The following TMEM222 variants were observed in gnomAD, a reference collection of about 807,000 sequenced individuals.
TMEM222 encodes transmembrane protein 222, also known as chromosome 1 open reading frame 160.
A neutral mutation model predicts 25.1 loss-of-function variants in TMEM222; 18 were observed. The ratio of observed to expected loss-of-function variants is 0.72; its 90% CI spans 0.50 to 1.06. The LOEUF is 1.06. TMEM222 is among the 50% of genes least tolerant of loss of function. The pLI, the probability that TMEM222 is intolerant of heterozygous loss-of-function variation, is 0.00. For synonymous variants in TMEM222, 131 were observed against 117.9 expected (o/e 1.11, Z -0.72); for missense variants, 296 against 293.7 (o/e 1.01, Z -0.06).
chr1:27,322,992 G>C (rs1017964097), intron 1 of TMEM222, among the ~76,000 whole-genome samples: 100 of 152,254 alleles, frequency 6.6e-4, no homozygotes, highest in African/African-American at 2.2e-3. Context: ...CAGGTGCTCT[G>C]GTACTACTTG....
chr1:27,334,686 G>T, intron 5 of TMEM222: 3 of 1,388,684 alleles, frequency 2.2e-6, no homozygotes, highest in Non-Finnish European at 2.9e-6. Flanking sequence ...TAGGCAGAGA[G>T]ATTGAGTGAG....
chr1:27,328,997 T>C (rs2014417521), intron 1 of TMEM222, among the ~76,000 whole-genome samples: 1 of 152,198 alleles, frequency 6.6e-6, no homozygotes, highest in Non-Finnish European at 1.5e-5. Flanking sequence ...CAGACAGGTC[T>C]GGGGTTCCTA....
intron 1 of TMEM222, among the ~76,000 whole-genome samples, chr1:27,323,235 C>A (rs2014250788): frequency 6.6e-6 from 1 of 152,192 alleles, no homozygotes; most frequent in Admixed American, 6.5e-5. Context: ...CCCCAATAAG[C>A]AAAGGCATGA....
At chr1:27,329,045 G>GT (rs987210702) in intron 1 of TMEM222, among the ~76,000 whole-genome samples, 1 of 152,076 alleles carries the variant, frequency 6.6e-6, no homozygotes, top group African/African-American at 2.4e-5. Context: ...ATTTATTGTT[G>GT]TTTTTTAATG....
At chr1:27,333,664 C>T (rs2014535608) in intron 3 of TMEM222, 2 of 447,258 alleles carry the variant, frequency 4.5e-6, no homozygotes, top group Non-Finnish European at 8.4e-6. Context: ...AAGGCCCCAC[C>T]TCCTCATACC....
In TMEM222 at chr1:27,335,529, TC is replaced by T; in HGVS notation, c.*65del. 1 of 1,563,332 alleles carries T rather than the reference TC, an allele frequency of 6.4e-7. No individual in the cohort carries two copies. Among genetic ancestry groups the T allele is most frequent in the Non-Finnish European group, 8.8e-7 (1 of 1,137,212 alleles). On this transcript the variant is annotated 3_prime_UTR_variant, in exon 6 of 6. Transcript: ENST00000374076. ...GGAAACAGCCGCCATCCCTTTTGGT[TC>T]CAGATTTTTTTCTCCTCACCCCAAA... is the stretch of plus-strand genomic sequence containing the variant.
At chr1:27,331,062 C>A in intron 2 of TMEM222, 1 of 1,389,116 alleles carries the variant, frequency 7.2e-7, no homozygotes, top group Non-Finnish European at 9.4e-7. Flanking sequence ...CCTGGGGTAC[C>A]GAGACATGGG....
chr1:27,327,535 C>T (rs2014380743), intron 1 of TMEM222, among the ~76,000 whole-genome samples: 1 of 152,198 alleles, frequency 6.6e-6, no homozygotes, highest in Non-Finnish European at 1.5e-5. Context: ...ATTACAGGCA[C>T]ATGCCACCAT....
intron 3 of TMEM222, 57 bp from the exon 4 acceptor site, chr1:27,333,901 T>C: frequency 1.3e-6 from 2 of 1,528,134 alleles, no homozygotes; most frequent in Non-Finnish European, 1.8e-6. Context: ...AGGACGTGCG[T>C]AGAGCTGAGG....
chr1:27,335,280 A>C, intron 5 of TMEM222, 99 bp from the exon 6 acceptor site: 1 of 1,218,288 alleles, frequency 8.2e-7, no homozygotes, highest in Non-Finnish European at 1.2e-6. Context: ...TTCCTTAGGG[A>C]TGGCAGCCCT....
intron 1 of TMEM222, among the ~76,000 whole-genome samples, chr1:27,327,370 G>C (rs1482696915): frequency 6.6e-6 from 1 of 152,064 alleles, no homozygotes. Flanking sequence ...GTTGGCGTTT[G>C]TTTGTTGTTT....
chr1:27,327,874 T>G (rs971061178), intron 1 of TMEM222, among the ~76,000 whole-genome samples: 16 of 152,380 alleles, frequency 1.1e-4, no homozygotes, highest in Non-Finnish European at 1.9e-4. Context: ...TCCAAAGTGC[T>G]ATGATTACAG....
chr1:27,334,015 G>A lies in TMEM222; in HGVS notation c.369G>A (p.Thr123=), dbSNP rs750582958. 7 of 1,614,132 alleles carry A rather than the reference G, an allele frequency of 4.3e-6. No homozygotes were observed. Among genetic ancestry groups the A allele is most frequent in the Admixed American group, 1.7e-5 (1 of 60,024 alleles). The change falls in exon 4 of 6, where the codon ACG becomes ACA. Residue 123 remains threonine, a synonymous_variant. Coordinates refer to ENST00000374076, the MANE Select transcript of TMEM222 (RefSeq NM_032125.3). The part of the protein sequence containing the change: ...VYASGPNAWD[T]AVHDASEEYK... ...CTAGCGGGCCCAACGCATGGGACAC[G>A]GCTGTGCACGACGCCTCTGAGGAGT... is the stretch of plus-strand genomic sequence containing the variant.
chr1:27,331,483 G>A (rs2014477168), intron 2 of TMEM222, among the ~76,000 whole-genome samples: 1 of 152,212 alleles, frequency 6.6e-6, no homozygotes, highest in South Asian at 2.1e-4. Flanking sequence ...GACCAGGTCT[G>A]TCAGCAGGGT....
chr1:27,322,265 A>G lies in TMEM222; in HGVS notation c.68A>G (p.Glu23Gly). 2 of 1,542,406 alleles carry G rather than the reference A, an allele frequency of 1.3e-6. No homozygotes were observed. The highest frequency in any genetic ancestry group is 1.8e-6 in the Non-Finnish European group (2 of 1,141,458). ...PPPPPPPRMA[E>G]VEAPTAAETD... ...CCGCCACCCCCGCCCAGGATGGCGG[A>G]AGTGGAGGCGCCGACGGCGGCCGAG... The change falls in exon 1 of 6, where the codon GAA becomes GGA. Residue 23 changes from glutamate to glycine, a missense_variant. Coordinates refer to ENST00000374076, the MANE Select transcript of TMEM222 (RefSeq NM_032125.3).
At chr1:27,323,304 G>C (rs1438586134) in intron 1 of TMEM222, among the ~76,000 whole-genome samples, 1 of 152,196 alleles carries the variant, frequency 6.6e-6, no homozygotes. Flanking sequence ...ACTCTCACCT[G>C]ATGGGATAGC....
rs754715407 is a variant in TMEM222, at chr1:27,322,214, G to A, written c.17G>A (p.Gly6Glu). 5.6e-6 allele frequency: 8 copies of A among 1,422,084 alleles called. No individual in the cohort carries two copies. Among genetic ancestry groups the A allele is most frequent in the Non-Finnish European group, 6.5e-6 (7 of 1,079,236 alleles). The allele number at this position is 1,422,084 out of a possible 1,614,324, so 88.1% of individuals were successfully genotyped here. Reference sequence around the variant, plus strand: ...GCGCGCCGCATGGCGGAAGCGGAAGGGAGTTCTCTGCTCTTGTTGCCGCCG... The same window carrying A: ...GCGCGCCGCATGGCGGAAGCGGAAGAGAGTTCTCTGCTCTTGTTGCCGCCG... MAEAE[G>E]SSLLLLPPPP... Residue 6 changes from glycine (G) to glutamate (E), a missense_variant, in exon 1 of 6, where the codon GGG becomes GAG. Gly to Glu is a moderately conservative substitution (Grantham distance 98). Transcript: ENST00000374076.
At chr1:27,326,394 GT>G (rs979965622) in intron 1 of TMEM222, among the ~76,000 whole-genome samples, 8 of 151,216 alleles carry the variant, frequency 5.3e-5, no homozygotes, top group African/African-American at 9.7e-5. Flanking sequence ...TTTATGTAAG[GT>G]TTTTTTTTGT....
rs551293994 is a variant in TMEM222 at position 27,330,195 on chromosome 1, G to A, written c.195-525G>A. 2.7e-4 allele frequency among the ~76,000 whole-genome samples: 41 copies of A among 151,556 alleles called. 1 individual carries two copies. The highest frequency in any genetic ancestry group is 8.5e-4 in the African/African-American group (35 of 41,286). ...ACGTGGATCACGAGGTCAAGAGATCGAGACCATCCTGGCCAACATGGTGAA... is the reference window on the plus strand; with the variant it reads ...ACGTGGATCACGAGGTCAAGAGATCAAGACCATCCTGGCCAACATGGTGAA... On this transcript the variant is annotated intron_variant, in intron 1 of 5. Transcript: ENST00000374076.
Sources: allele counts gnomAD v4.1 joint callset (sites outside exome capture counted in the v4.1 genomes callset), GRCh38; gene constraint gnomAD v4.1.1; transcripts MANE v1.5; gene names NCBI Gene and HGNC (gene_info 2026-07-23, HGNC 2026-07-21).